XBP1: variants seen among roughly 807,000 people sequenced by gnomAD.
XBP1 encodes the protein X-box-binding protein 1.
A neutral mutation model predicts 34.6 loss-of-function variants in XBP1; 18 were observed. That is an observed-to-expected ratio of 0.52 (90% CI 0.36 to 0.77). The LOEUF (loss-of-function observed/expected upper bound fraction) is 0.77, where lower values mean the gene tolerates loss of function less well. Ranked by LOEUF, XBP1 falls within the 30% of genes least tolerant of loss-of-function variation. The probability of loss-of-function intolerance (pLI) is 0.00; values close to 1 mark genes in which losing one functional copy is unlikely to be tolerated. For synonymous variants in XBP1, 191 were observed against 193.4 expected (o/e 0.99, Z 0.11); for missense variants, 422 against 464.6 (o/e 0.91, Z 0.84).
rs1323027929 is a variant in XBP1 at position 28,797,038 on chromosome 22, A to G, written c.453+39T>C. The G allele has an allele frequency of 6.4e-6, 10 of 1,574,088 alleles. No individual in the cohort carries two copies. In the African/African-American group the frequency reaches 1.4e-4, roughly 22 times the overall value. ...TCGCTGGGTCATGTCACTTGGAACCAGTACTCACATGAGGCACCAAATAAA... is the reference window on the plus strand; with the variant it reads ...TCGCTGGGTCATGTCACTTGGAACCGGTACTCACATGAGGCACCAAATAAA... On this transcript the variant is annotated intron_variant, in intron 3 of 5. Transcript: ENST00000344347.
exon 5 of XBP1, chr22:28,796,119 A>G (rs1269626500): frequency 6.2e-7 from 1 of 1,613,960 alleles, no homozygotes; most frequent in Non-Finnish European, 8.5e-7. Context: ...CTGGGCCTGC[A>G]CCTGCTGCAG....
chr22:28,795,327 T>C, exon 6 of XBP1: 1 of 1,551,920 alleles, frequency 6.4e-7, no homozygotes, highest in Non-Finnish European at 8.7e-7. Flanking sequence ...GAAGATGGCT[T>C]TGGGCAGTGG....
chr22:28,800,130 C>A, intron 1 of XBP1, 168 bp downstream of exon 1: 2 of 809,002 alleles, frequency 2.5e-6, no homozygotes, highest in Non-Finnish European at 4.0e-6. Flanking sequence ...TCCGGTCAGT[C>A]CGGGCTTCCT....
intron 1 of XBP1, chr22:28,800,049 T>G (rs753211004): frequency 3.9e-6 from 3 of 774,148 alleles, no homozygotes; most frequent in Admixed American, 3.5e-5. Context: ...CCAGCTCTGG[T>G]CATCTCTAAC....
At chr22:28,795,693 C>T in exon 6 of XBP1, 1 of 1,565,364 alleles carries the variant, frequency 6.4e-7, no homozygotes. Flanking sequence ...AAGAACATGA[C>T]TGGGTCCAAG....
Position 28,797,297 on chromosome 22 carries a change from T to G in XBP1, c.325-92A>C, listed in dbSNP as rs1009122988. On this transcript the variant is annotated intron_variant, in intron 2 of 5. Transcript: ENST00000344347. ...AGTATAATTGGTTTCCTTTCCTTCT[T>G]GAACTTTTGGAAAACTCTATGCTTG... is the stretch of plus-strand genomic sequence containing the variant. 3 of 1,445,544 alleles carry G rather than the reference T, an allele frequency of 2.1e-6. No homozygotes were observed. The African/African-American group carries it at 4.3e-5, about 21-fold the overall frequency. 89.5% of individuals were successfully genotyped at this position (1,445,544 alleles called of 1,614,324 possible). A position where few individuals can be genotyped will look rare whatever the true frequency, so the allele number is the denominator to read the frequency against.
chr22:28,797,575 G>A (rs1383399544), intron 2 of XBP1, among the ~76,000 whole-genome samples: 1 of 152,090 alleles, frequency 6.6e-6, no homozygotes, highest in East Asian at 1.9e-4. Context: ...GAGGTCAAGA[G>A]TTCAAAACCA....
chr22:28,795,710 A>G, exon 6 of XBP1: 1 of 1,544,374 alleles, frequency 6.5e-7, no homozygotes, highest in East Asian at 2.3e-5. Flanking sequence ...CAAGTTGTCC[A>G]GAATGCCCAA....
intron 2 of XBP1, among the ~76,000 whole-genome samples, chr22:28,798,463 G>C (rs1034614266): frequency 6.6e-6 from 1 of 150,684 alleles, no homozygotes; most frequent in Non-Finnish European, 1.5e-5. Context: ...TGCCTGCCAC[G>C]ACACCCGGCT....
intron 1 of XBP1, among the ~76,000 whole-genome samples, chr22:28,799,680 CT>C (rs368658147): frequency 4.0e-5 from 6 of 150,178 alleles, no homozygotes; most frequent in African/African-American, 9.8e-5. Context: ...GGAGGAGACA[CT>C]TTTTTTTTTA....
At chr22:28,797,121 A>G in exon 3 of XBP1, 2 of 1,613,156 alleles carry the variant, frequency 1.2e-6, no homozygotes, top group South Asian at 2.2e-5. Flanking sequence ...TCCATCCCCA[A>G]GCGCTGTCTT....
intron 5 of XBP1, among the ~76,000 whole-genome samples, 155 bp from the exon 6 acceptor site, chr22:28,795,887 A>G (rs1163775604): frequency 6.6e-6 from 1 of 152,162 alleles, no homozygotes; most frequent in Non-Finnish European, 1.5e-5. Context: ...ACTTCACTCC[A>G]TGTTCTATAT....
At chr22:28,797,151 C>A in exon 3 of XBP1, 2 of 1,613,638 alleles carry the variant, frequency 1.2e-6, no homozygotes, top group Non-Finnish European at 1.7e-6. Context: ...TTCTCAACTA[C>A]AAGGCCATGA....
rs6005888 is a variant in XBP1 at position 28,800,099 on chromosome 22, C to G, written c.227+199G>C. ...GTACAGAAAAGAGCCCTGGGCCGCC[C>G]TAGGTTCCCAGCGTGGCGGATCCGG... On this transcript the variant is annotated intron_variant, in intron 1 of 5. Coordinates refer to ENST00000344347, the Ensembl canonical transcript of XBP1. 1.3e-4 allele frequency: 93 copies of G among 738,004 alleles called. No individual in the cohort carries two copies. The African/African-American group carries it at 1.5e-3, about 12-fold the overall frequency. The allele number at this position is 738,004 out of a possible 1,614,324, so 45.7% of individuals were successfully genotyped here.
chr22:28,796,058 A>G (rs777693217), exon 5 of XBP1: 1 of 1,614,196 alleles, frequency 6.2e-7, no homozygotes, highest in Non-Finnish European at 8.5e-7. Context: ...TCTGAATCTG[A>G]AGAGTCAATA....
downstream of XBP1, chr22:28,795,057 T>A (rs1331932934): frequency 4.2e-6 from 4 of 943,944 alleles, no homozygotes; most frequent in African/African-American, 6.7e-5. Context: ...AATAGAGGAA[T>A]TCTCTAGGAC....
At chr22:28,799,965 G>T (rs1344510492) in intron 1 of XBP1, 14 of 779,194 alleles carry the variant, frequency 1.8e-5, no homozygotes, top group Non-Finnish European at 2.9e-5. Context: ...TCGACCTCAT[G>T]TCCGAGTTAA....
In XBP1 at chr22:28,796,133, T is replaced by G; in HGVS notation, c.499-12A>C. 1 of 1,613,270 alleles carries G rather than the reference T, an allele frequency of 6.2e-7. No homozygotes were observed. The highest frequency in any genetic ancestry group is 8.5e-7 in the Non-Finnish European group (1 of 1,179,596). ...ACTGGGCCTGCACCTGCTGCAGAGGTGCACGTAGTCTGAGTGCTGCGGACT... is the reference window on the plus strand; with the variant it reads ...ACTGGGCCTGCACCTGCTGCAGAGGGGCACGTAGTCTGAGTGCTGCGGACT... On this transcript the variant is annotated splice_polypyrimidine_tract_variant and intron_variant, in intron 4 of 5. Coordinates refer to ENST00000344347, the Ensembl canonical transcript of XBP1.
rs768872720 is a variant in XBP1 at position 28,795,735 on chromosome 22, G to GTT, written c.574-4_574-3insAA. 1 of 1,525,996 alleles carries GTT rather than the reference G, an allele frequency of 6.6e-7. No homozygotes were observed. Among genetic ancestry groups the GTT allele is most frequent in the Admixed American group, 2.2e-5 (1 of 44,532 alleles). The allele number at this position is 1,525,996 out of a possible 1,614,324, so 94.5% of individuals were successfully genotyped here. A position where few individuals can be genotyped will look rare whatever the true frequency, so the allele number is the denominator to read the frequency against. ...AGAATGCCCAACAGGATATCAGACT[G>GTT]TAAGAGGCAAAAATTAAATGAAGTA... On this transcript the variant is annotated splice_region_variant and splice_polypyrimidine_tract_variant and intron_variant, in intron 5 of 5. Coordinates refer to ENST00000344347, the Ensembl canonical transcript of XBP1.
Sources: allele counts gnomAD v4.1 joint callset (sites outside exome capture counted in the v4.1 genomes callset), GRCh38; gene constraint gnomAD v4.1.1; transcripts MANE v1.5; gene names NCBI Gene and HGNC (gene_info 2026-07-23, HGNC 2026-07-21).